ARHGAP18: variants seen among roughly 807,000 people sequenced by gnomAD.
The protein encoded by ARHGAP18 is rho GTPase-activating protein 18.
ARHGAP18 carries 67 observed loss-of-function variants against 86.2 expected under a neutral mutation model. The ratio of observed to expected loss-of-function variants is 0.78; its 90% CI spans 0.64 to 0.95. The LOEUF (loss-of-function observed/expected upper bound fraction) is 0.95. Ranked by LOEUF, ARHGAP18 falls within the 40% of genes least tolerant of loss-of-function variation. ARHGAP18 has a pLI of 0.00. For missense variants in ARHGAP18, 691 were observed against 780.4 expected (o/e 0.89, Z 1.37); for synonymous variants, 283 against 280.4 (o/e 1.01, Z -0.09).
At chr6:129,704,137 A>C (rs1352587815) in intron 1 of ARHGAP18, among the ~76,000 whole-genome samples, 1 of 152,112 alleles carries the variant, frequency 6.6e-6, no homozygotes, top group Non-Finnish European at 1.5e-5. Context: ...TTATCTCAAA[A>C]AGATATTTCT....
intron 10 of ARHGAP18, among the ~76,000 whole-genome samples, chr6:129,601,371 T>C (rs1788739764): frequency 6.6e-6 from 1 of 152,082 alleles, no homozygotes; most frequent in Non-Finnish European, 1.5e-5. Flanking sequence ...GCACTGGGCA[T>C]GGTGGTGTAC....
At chr6:129,627,729 A>G (rs1789511171) in intron 5 of ARHGAP18, among the ~76,000 whole-genome samples, 1 of 152,210 alleles carries the variant, frequency 6.6e-6, no homozygotes, top group South Asian at 2.1e-4. Context: ...TTCTTAAAAG[A>G]TGTATTAACT....
At chr6:129,650,970 G>A (rs945875297) in intron 1 of ARHGAP18, among the ~76,000 whole-genome samples, 13 of 152,198 alleles carry the variant, frequency 8.5e-5, no homozygotes, top group African/African-American at 2.6e-4. Context: ...CTGCTTGTGC[G>A]TGTGTCCCCA....
chr6:129,692,260 C>T (rs969981906), intron 1 of ARHGAP18, among the ~76,000 whole-genome samples: 2 of 152,180 alleles, frequency 1.3e-5, no homozygotes, highest in African/African-American at 4.8e-5. Context: ...TGCTTCCTTC[C>T]TTTCCTCTCC....
chr6:129,690,485 TAAAG>T (rs981189912), intron 1 of ARHGAP18, among the ~76,000 whole-genome samples: 11 of 152,276 alleles, frequency 7.2e-5, no homozygotes, highest in African/African-American at 2.6e-4. Context: ...ATTCAGAGAC[TAAAG>T]AGAGTTGATT....
chr6:129,650,079 AT>A (rs552437933), intron 1 of ARHGAP18, among the ~76,000 whole-genome samples: 16,405 of 136,726 alleles, frequency 0.12, 1,466 homozygotes, highest in African/African-American at 0.27. Flanking sequence ...CACCTGGCTA[AT>A]TTTTTTTTTT....
At chr6:129,588,119 A>ATT (rs1347749457) in intron 12 of ARHGAP18, among the ~76,000 whole-genome samples, 2 of 112,360 alleles carry the variant, frequency 1.8e-5, no homozygotes, top group Admixed American at 9.9e-5. Flanking sequence ...AAGTCACCAA[A>ATT]TCTTTTTTTT....
chr6:129,605,728 C>T (rs1191149343), intron 10 of ARHGAP18, 149 bp downstream of exon 10: 2 of 658,596 alleles, frequency 3.0e-6, no homozygotes, highest in East Asian at 2.7e-5. Context: ...GAGTTAAAGG[C>T]TTTCACCCTC....
chr6:129,616,342 T>C, intron 6 of ARHGAP18, 39 bp from the exon 7 acceptor site: 2 of 1,476,048 alleles, frequency 1.4e-6, no homozygotes, highest in Non-Finnish European at 1.9e-6. Flanking sequence ...CTTTTGTCAA[T>C]CTATAAAATA....
intron 11 of ARHGAP18, among the ~76,000 whole-genome samples, chr6:129,599,719 C>CA (rs1228167563): frequency 2.0e-5 from 3 of 152,162 alleles, no homozygotes; most frequent in Non-Finnish European, 4.4e-5. Context: ...CTCCTACCTA[C>CA]AGCCCTGCTA....
intron 13 of ARHGAP18, among the ~76,000 whole-genome samples, chr6:129,582,607 G>A (rs1305089409): frequency 1.3e-5 from 2 of 152,156 alleles, no homozygotes; most frequent in Non-Finnish European, 2.9e-5. Flanking sequence ...AGGGAGCAAA[G>A]ACATCTGAGA....
At chr6:129,684,376 GA>G (rs1384755062) in intron 1 of ARHGAP18, among the ~76,000 whole-genome samples, 1 of 152,090 alleles carries the variant, frequency 6.6e-6, no homozygotes, top group Non-Finnish European at 1.5e-5. Flanking sequence ...ATGTGCATGG[GA>G]AAAAAATACT....
chr6:129,640,605 C>A (rs150807209), intron 2 of ARHGAP18, among the ~76,000 whole-genome samples: 2 of 151,932 alleles, frequency 1.3e-5, no homozygotes, highest in East Asian at 3.8e-4. Flanking sequence ...AAGAAAAAAC[C>A]CCAAGTCTTC....
At chr6:129,657,254 T>C (rs1773856958) in intron 1 of ARHGAP18, among the ~76,000 whole-genome samples, 3 of 152,192 alleles carry the variant, frequency 2.0e-5, no homozygotes. Context: ...TGGTTCTTGT[T>C]TCTTTTTAAG....
intron 7 of ARHGAP18, among the ~76,000 whole-genome samples, chr6:129,614,994 C>T (rs919996158): frequency 7.2e-5 from 11 of 152,110 alleles, no homozygotes; most frequent in Non-Finnish European, 1.5e-4. Flanking sequence ...TGCTAGCCTG[C>T]TCTACATATT....
In ARHGAP18 at chr6:129,580,360, G is replaced by A. The variant is rs1788263410; in HGVS notation, c.1839-229C>T. ...ATGGAATTATACATCTGAAGGCAAA[G>A]TAGTAAACCAGTATCTAAATTTGTA... On this transcript the variant is annotated intron_variant, in intron 13 of 14. Transcript: ENST00000368149. 2.6e-5 allele frequency among the ~76,000 whole-genome samples: 4 copies of A among 152,162 alleles called. No homozygotes were observed. In the South Asian group the frequency reaches 8.3e-4, roughly 31 times the overall value.
intron 1 of ARHGAP18, among the ~76,000 whole-genome samples, chr6:129,708,786 A>G (rs745895369): frequency 7.2e-5 from 11 of 152,240 alleles, no homozygotes; most frequent in Admixed American, 2.6e-4. Context: ...CTAATACATT[A>G]CAGAAAAATG....
At chr6:129,644,017 T>A (rs1178440253) in intron 1 of ARHGAP18, among the ~76,000 whole-genome samples, 1 of 152,352 alleles carries the variant, frequency 6.6e-6, no homozygotes, top group South Asian at 2.1e-4. Flanking sequence ...CTGCCTTGAT[T>A]ACAAACTTTA....
chr6:129,685,905 C>T (rs1343799707), intron 1 of ARHGAP18, among the ~76,000 whole-genome samples: 1 of 152,156 alleles, frequency 6.6e-6, no homozygotes, highest in Non-Finnish European at 1.5e-5. Context: ...CTTTTTGCAA[C>T]AACCCTGCCT....
Sources: gnomAD v4.1 joint callset for allele counts (sites outside exome capture counted in the v4.1 genomes callset) on GRCh38, gnomAD v4.1.1 for gene constraint, MANE v1.5 for transcripts, NCBI Gene and HGNC (gene_info 2026-07-23, HGNC 2026-07-21) for gene names.